Variants in SNX25 observed in about 807,000 individuals in gnomAD.
SNX25 encodes the protein sorting nexin 25.
In SNX25, 62 loss-of-function variants were observed where a neutral mutation model predicts 113.7. The ratio of observed to expected loss-of-function variants is 0.55; its 90% confidence interval spans 0.44 to 0.67. The LOEUF is 0.67. SNX25 is among the 30% of genes least tolerant of loss of function. The pLI, the probability that SNX25 is intolerant of heterozygous loss-of-function variation, is 0.00. For missense variants in SNX25, 1,014 were observed against 1,161.0 expected (o/e 0.87, Z 1.84); for synonymous variants, 421 against 436.2 (o/e 0.97, Z 0.43).
intron 3 of SNX25, among the ~76,000 whole-genome samples, chr4:185,263,251 C>T (rs1747580400): frequency 6.6e-6 from 1 of 151,878 alleles, no homozygotes; most frequent in Non-Finnish European, 1.5e-5. Context: ...TTCCAACTTC[C>T]TCCAGTGCTT....
chr4:185,262,811 C>T (rs1224595231), intron 3 of SNX25, among the ~76,000 whole-genome samples: 1 of 152,186 alleles, frequency 6.6e-6, no homozygotes, highest in Non-Finnish European at 1.5e-5. Context: ...AATGATTGAT[C>T]CACACGGAAC....
chr4:185,378,081 CA>C, the SNX25 span: 2 of 1,609,768 alleles, frequency 1.2e-6, no homozygotes, highest in South Asian at 2.2e-5. Flanking sequence ...GGATTTGTAC[CA>C]GTCTTTTCCT....
chr4:185,372,912 G>T (rs1160715761), downstream of SNX25: 1 of 1,613,142 alleles, frequency 6.2e-7, no homozygotes, highest in Non-Finnish European at 8.5e-7. Flanking sequence ...AATACTCCAC[G>T]AGATTCCCTT....
At chr4:185,296,598 A>G (rs1226085691) in intron 6 of SNX25, among the ~76,000 whole-genome samples, 3 of 152,160 alleles carry the variant, frequency 2.0e-5, no homozygotes, top group Non-Finnish European at 2.9e-5. Context: ...TAATACAATT[A>G]ATTCTGGGGA....
downstream of SNX25, among the ~76,000 whole-genome samples, chr4:185,371,335 T>C (rs143171117): frequency 4.0e-3 from 611 of 151,982 alleles, 6 homozygotes; most frequent in East Asian, 0.016. Flanking sequence ...GTTAGGAGAT[T>C]GAGACCATCC....
chr4:185,240,988 T>C (rs557650052), intron 1 of SNX25, among the ~76,000 whole-genome samples: 2 of 142,388 alleles, frequency 1.4e-5, no homozygotes, highest in South Asian at 2.3e-4. Context: ...CTCCTCACTT[T>C]CCAGACTGGG....
chr4:185,212,491 G>GTGTGTTTTTGTTTTT lies in SNX25; in HGVS notation c.429+2237_429+2238insGTGTTTTTGTTTTTT, dbSNP rs546083196. 3.1e-4 allele frequency among the ~76,000 whole-genome samples: 33 copies of GTGTGTTTTTGTTTTT among 104,930 alleles called. 1 individual carries two copies. The highest frequency in any genetic ancestry group is 9.3e-4 in the African/African-American group (25 of 27,020). 68.8% of individuals were successfully genotyped at this position (104,930 alleles called of 152,430 possible). ...TGTGTGTGTGTGTGTGTGTGTGTGT[G>GTGTGTTTTTGTTTTT]TTTTTTTTTTTTTTTGCTTTGAGAC... is the stretch of plus-strand genomic sequence containing the variant. On this transcript the variant is annotated intron_variant, in intron 1 of 18. Transcript: ENST00000652585.
chr4:185,204,283 G>C (rs868601839), exon 1 of SNX25: 1 of 152,226 alleles, frequency 6.6e-6, no homozygotes, highest in African/African-American at 2.4e-5. Context: ...CGTTGTTCTC[G>C]TGCGTTAATA....
At position 185,357,616 on chromosome 4, in the gene SNX25, T is replaced by C. The variant is rs1305770082; in HGVS notation, c.2585-55T>C. On this transcript the variant is annotated intron_variant, in intron 15 of 18. Coordinates refer to ENST00000652585, the MANE Select transcript of SNX25 (RefSeq NM_001378034.2). Reference sequence around the variant, plus strand: ...TTTATGCTTTGTACAGCTATGAAAATGTCCCAAATTGTGATGCCCTGTGAT... The same window carrying C: ...TTTATGCTTTGTACAGCTATGAAAACGTCCCAAATTGTGATGCCCTGTGAT... The C allele has an allele frequency of 2.2e-6, 3 of 1,365,392 alleles. No individual in the cohort carries two copies. The East Asian group carries it at 6.9e-5, about 31-fold the overall frequency. 84.6% of individuals were successfully genotyped at this position (1,365,392 alleles called of 1,614,324 possible).
At chr4:185,348,215 C>G (rs1171864688) in intron 13 of SNX25, among the ~76,000 whole-genome samples, 3 of 152,130 alleles carry the variant, frequency 2.0e-5, no homozygotes, top group Non-Finnish European at 1.5e-5. Flanking sequence ...CTGAAGTTCT[C>G]AGAGGCATGG....
intron 1 of SNX25, among the ~76,000 whole-genome samples, chr4:185,231,419 A>G (rs188124622): frequency 5.6e-4 from 84 of 151,236 alleles, no homozygotes; most frequent in African/African-American, 1.9e-3. Context: ...TTCTTTTAAG[A>G]GCAAAATTGG....
At chr4:185,244,439 A>G (rs574628133) in intron 1 of SNX25, among the ~76,000 whole-genome samples, 3 of 152,302 alleles carry the variant, frequency 2.0e-5, no homozygotes, top group East Asian at 1.9e-4. Flanking sequence ...ATTAAATATT[A>G]CCCCCAAAAT....
intron 14 of SNX25, among the ~76,000 whole-genome samples, chr4:185,352,511 G>A (rs1478322488): frequency 3.3e-5 from 5 of 152,238 alleles, no homozygotes; most frequent in East Asian, 3.9e-4. Flanking sequence ...TCATGTGTCC[G>A]TCTGTACTTG....
At chr4:185,267,706 G>A (rs1358645011) in intron 5 of SNX25, among the ~76,000 whole-genome samples, 1 of 151,502 alleles carries the variant, frequency 6.6e-6, no homozygotes, top group South Asian at 2.1e-4. Flanking sequence ...ACTCCAGCCT[G>A]GGTGACAGAG....
intron 15 of SNX25, among the ~76,000 whole-genome samples, chr4:185,357,091 T>C (rs560335719): frequency 1.6e-4 from 24 of 152,292 alleles, no homozygotes; most frequent in African/African-American, 5.5e-4. Flanking sequence ...TGTGCCCTCC[T>C]GCTATGGGGG....
downstream of SNX25, chr4:185,365,959 A>G (rs868781360): frequency 5.3e-5 from 8 of 152,214 alleles, no homozygotes; most frequent in African/African-American, 1.2e-4. Context: ...CTGCCATTCA[A>G]CAGTTCTTAG....
intron 2 of SNX25, among the ~76,000 whole-genome samples, chr4:185,251,520 T>G (rs1745638251): frequency 6.6e-6 from 1 of 152,116 alleles, no homozygotes; most frequent in South Asian, 2.1e-4. Flanking sequence ...TTATTTTACT[T>G]AATGTCCTCA....
At chr4:185,285,000 G>C (rs547597238) in intron 5 of SNX25, among the ~76,000 whole-genome samples, 1 of 152,174 alleles carries the variant, frequency 6.6e-6, no homozygotes, top group Non-Finnish European at 1.5e-5. Flanking sequence ...TACTATGGAA[G>C]AAAGAAGGTT....
chr4:185,306,396 C>T (rs1220909962), intron 6 of SNX25, among the ~76,000 whole-genome samples: 3 of 152,240 alleles, frequency 2.0e-5, no homozygotes, highest in Admixed American at 6.5e-5. Flanking sequence ...AACGCATTCA[C>T]GTGAGCAAGC....
Sources: gnomAD v4.1 joint callset for allele counts (sites outside exome capture counted in the v4.1 genomes callset) on GRCh38, gnomAD v4.1.1 for gene constraint, MANE v1.5 for transcripts, NCBI Gene and HGNC (gene_info 2026-07-23, HGNC 2026-07-21) for gene names.